Variants in IPO13 observed in about 807,000 individuals in gnomAD.
The protein encoded by IPO13 is importin 13.
Under a neutral mutation model 115.5 loss-of-function variants are expected in IPO13, and 28 were observed. The observed-to-expected ratio is 0.24, with a 90% CI of 0.18 to 0.33. The LOEUF (loss-of-function observed/expected upper bound fraction) is 0.33. IPO13 is among the 10% of genes least tolerant of loss of function. The pLI, the probability that IPO13 is intolerant of heterozygous loss-of-function variation, is 1.00. For missense variants in IPO13, 785 were observed against 1,204.6 expected, an observed-to-expected ratio of 0.65 and a Z score of 5.16; for synonymous variants, 414 against 478.9, an observed-to-expected ratio of 0.86 and a Z score of 1.77.
chr1:43,947,790 C>A, intron 1 of IPO13, 106 bp downstream of exon 1: 2 of 521,554 alleles, frequency 3.8e-6, no homozygotes, highest in Non-Finnish European at 6.2e-6. Context: ...GGTATGGTGC[C>A]CCCAGAGCAC....
At chr1:43,955,694 C>T (rs998691164) in intron 2 of IPO13, among the ~76,000 whole-genome samples, 3 of 152,222 alleles carry the variant, frequency 2.0e-5, no homozygotes, top group Non-Finnish European at 2.9e-5. Context: ...AGTATAACCT[C>T]ATCTGCAATT....
At chr1:43,947,897 C>T (rs566333692) in intron 1 of IPO13, among the ~76,000 whole-genome samples, 2 of 152,348 alleles carry the variant, frequency 1.3e-5, no homozygotes, top group Middle Eastern at 3.4e-3. Flanking sequence ...GATAGATACT[C>T]TAGGGTCTTG....
rs1388626990 is a variant in IPO13, at chr1:43,958,893, G to A, written c.2028+4G>A. ...AGTGCCACAGGGACCCAACCCCGTG[G>A]GTGACATTTGCCCACGGCAAAGACA... On this transcript the variant is annotated splice_donor_region_variant and intron_variant, in intron 11 of 19. Transcript: ENST00000372343. The surrounding 1 kb of genome is among the most constrained non-coding windows in gnomAD (Gnocchi z 6.3). 6.2e-7 allele frequency: 1 copy of A among 1,613,458 alleles called. No individual in the cohort carries two copies. Among genetic ancestry groups the A allele is most frequent in the Middle Eastern group, 1.7e-4 (1 of 6,058 alleles).
Position 43,961,278 on chromosome 1 carries a change from G to GTC in IPO13, c.2344+16_2344+17insTC. ...TTCCAGCAAGGTAGGTCCTGACCGG[G>GTC]GTCTCTGCTGCTGCTGCCACTGCCA... On this transcript the variant is annotated intron_variant, in intron 14 of 19. Coordinates refer to ENST00000372343, the MANE Select transcript of IPO13 (RefSeq NM_014652.4). 6.3e-7 allele frequency: 1 copy of GTC among 1,588,898 alleles called. No individual in the cohort carries two copies. Among genetic ancestry groups the GTC allele is most frequent in the Non-Finnish European group, 8.6e-7 (1 of 1,157,168 alleles).
Position 43,958,452 on chromosome 1 carries a change from G to T in IPO13, c.1750-9G>T, listed in dbSNP as rs892642245. 2.5e-6 allele frequency: 4 copies of T among 1,613,688 alleles called. No homozygotes were observed. The highest frequency in any genetic ancestry group is 3.4e-6 in the Non-Finnish European group (4 of 1,179,974). On this transcript the variant is annotated splice_polypyrimidine_tract_variant and intron_variant, in intron 9 of 19. Transcript: ENST00000372343. This position sits in a 1 kb window ranked among gnomAD's most constrained non-coding sequence, Gnocchi z 6.3. ...GGCCAGGACTGACCATCCATGTTCT[G>T]CCCCACAGACAAGCCAGTGCATGTG...
rs1009499346 is a variant in IPO13, at chr1:43,952,241, C to T, written c.821+2088C>T. On this transcript the variant is annotated intron_variant, in intron 2 of 19. Coordinates refer to ENST00000372343, the MANE Select transcript of IPO13 (RefSeq NM_014652.4). The surrounding 1 kb of genome is among the most constrained non-coding windows in gnomAD (Gnocchi z 4.7). ...CTGGTGTGCAGTGGCACAATCTCGG[C>T]TCACTGCAACCTCCGCCTCCCGGGT... Among the ~76,000 whole-genome samples the T allele has an allele frequency of 3.9e-5, 6 of 152,228 alleles. No homozygotes were observed. The highest frequency in any genetic ancestry group is 1.4e-4 in the African/African-American group (6 of 41,458).
intron 2 of IPO13, among the ~76,000 whole-genome samples, chr1:43,954,192 C>G (rs1261827743): frequency 6.6e-6 from 1 of 152,192 alleles, no homozygotes; most frequent in Non-Finnish European, 1.5e-5. Context: ...TGGCCCTGCC[C>G]CTTCTCTTTG....
In IPO13 at chr1:43,958,865, G is replaced by T. The variant is rs769952183; in HGVS notation, c.2004G>T (p.Leu668=). 1.3e-4 allele frequency: 205 copies of T among 1,614,116 alleles called. No homozygotes were observed. The South Asian group carries it at 2.1e-3, about 17-fold the overall frequency. Residue 668 remains leucine (L), a synonymous_variant, in exon 11 of 20, where the codon CTG becomes CTT. Transcript: ENST00000372343. This position sits in a 1 kb window ranked among gnomAD's most constrained non-coding sequence, Gnocchi z 6.3. ...ATGAAGGCCCTGAGCTTCGGAAGCT[G>T]CCAGTGCCACAGGGACCCAACCCCG... is the stretch of plus-strand genomic sequence containing the variant. ...DDHEGPELRK[L]PVPQGPNPVV...
At position 43,958,645 on chromosome 1, in the gene IPO13, TGAG is replaced by T; in HGVS notation, c.1884+52_1884+54del. The T allele has an allele frequency of 6.2e-7, 1 of 1,612,784 alleles. No homozygotes were observed. The highest frequency in any genetic ancestry group is 1.1e-5 in the South Asian group (1 of 90,992). On this transcript the variant is annotated intron_variant, in intron 10 of 19. Coordinates refer to ENST00000372343, the MANE Select transcript of IPO13 (RefSeq NM_014652.4). This position sits in a 1 kb window ranked among gnomAD's most constrained non-coding sequence, Gnocchi z 6.3. ...AGCGGTACTGAGATGCTGTGGCTGA[TGAG>T]GGGTGAGGTTGGAGCTGGCCCTCAG...
rs543126183 is a variant in IPO13 at position 43,968,018 on chromosome 1, A to C, written c.*336A>C. ...CCATCCCCATTAAATTAATCCCAAC[A>C]TGCATGTATGCATACATTTATTTAA... is the stretch of plus-strand genomic sequence containing the variant. On this transcript the variant is annotated 3_prime_UTR_variant, in exon 20 of 20. Coordinates refer to ENST00000372343, the MANE Select transcript of IPO13 (RefSeq NM_014652.4). The C allele has an allele frequency of 1.0e-4, 40 of 391,654 alleles. No homozygotes were observed. In the South Asian group the frequency reaches 1.1e-3, roughly 11 times the overall value. 24.3% of individuals were successfully genotyped at this position (391,654 alleles called of 1,614,324 possible).
Position 43,956,750 on chromosome 1 carries a change from G to A in IPO13, c.1104+49G>A. 1 of 1,613,698 alleles carries A rather than the reference G, an allele frequency of 6.2e-7. No individual in the cohort carries two copies. Among genetic ancestry groups the A allele is most frequent in the Non-Finnish European group, 8.5e-7 (1 of 1,179,626 alleles). ...GGACTGGGCTGTGGTGGAAGAAGGT[G>A]GATCATGGGCTTCTATGACTGCTGG... On this transcript the variant is annotated intron_variant, in intron 4 of 19. Transcript: ENST00000372343. The surrounding 1 kb of genome is among the most constrained non-coding windows in gnomAD (Gnocchi z 4.7).
At chr1:43,947,775 C>T (rs1458698720) in intron 1 of IPO13, 91 bp downstream of exon 1, 2 of 713,088 alleles carry the variant, frequency 2.8e-6, no homozygotes, top group Non-Finnish European at 2.0e-6. Flanking sequence ...GGCTGGGTGC[C>T]CGCTGGTATG....
chr1:43,964,382 A>C (rs2085308563), intron 15 of IPO13, 61 bp downstream of exon 15: 2 of 1,354,842 alleles, frequency 1.5e-6, no homozygotes, highest in Non-Finnish European at 2.1e-6. Context: ...TCTTATGTTG[A>C]AATTCAATTT....
rs558809774 is a variant in IPO13 at position 43,967,765 on chromosome 1, G to A, written c.*83G>A. ...AACCTGGACCCTCACTGCTGTCTCTGCCTCCTTTCTGCTGTCACCACCACC... is the reference window on the plus strand; with the variant it reads ...AACCTGGACCCTCACTGCTGTCTCTACCTCCTTTCTGCTGTCACCACCACC... On this transcript the variant is annotated 3_prime_UTR_variant, in exon 20 of 20. Transcript: ENST00000372343. The surrounding 1 kb of genome is among the most constrained non-coding windows in gnomAD (Gnocchi z 6.1). 2.3e-6 allele frequency: 3 copies of A among 1,287,210 alleles called. No individual in the cohort carries two copies. Among genetic ancestry groups the A allele is most frequent in the Non-Finnish European group, 2.2e-6 (2 of 899,706 alleles). 79.7% of individuals were successfully genotyped at this position (1,287,210 alleles called of 1,614,324 possible). A position where few individuals can be genotyped will look rare whatever the true frequency, so the allele number is the denominator to read the frequency against.
intron 14 of IPO13, among the ~76,000 whole-genome samples, chr1:43,963,060 G>A (rs570715991): frequency 1.3e-5 from 2 of 152,336 alleles, no homozygotes; most frequent in East Asian, 3.9e-4. Context: ...TCACTTTCTA[G>A]GACTTAAATA....
chr1:43,967,214 C>A lies in IPO13; in HGVS notation c.2614-101C>A. The A allele has an allele frequency of 7.7e-7, 1 of 1,295,416 alleles. No individual in the cohort carries two copies. The highest frequency in any genetic ancestry group is 1.1e-6 in the Non-Finnish European group (1 of 908,998). 80.2% of individuals were successfully genotyped at this position (1,295,416 alleles called of 1,614,324 possible). Reference sequence around the variant, plus strand: ...AAAAAGCAGCGCTCACTGTGATGTGCAGTTTGGCTTAGGAACTGTCCAGAG... The same window carrying A: ...AAAAAGCAGCGCTCACTGTGATGTGAAGTTTGGCTTAGGAACTGTCCAGAG... On this transcript the variant is annotated intron_variant, in intron 18 of 19. Transcript: ENST00000372343. This position sits in a 1 kb window ranked among gnomAD's most constrained non-coding sequence, Gnocchi z 6.1.
At chr1:43,955,186 A>G (rs930791361) in intron 2 of IPO13, among the ~76,000 whole-genome samples, 1 of 151,544 alleles carries the variant, frequency 6.6e-6, no homozygotes, top group Non-Finnish European at 1.5e-5. Flanking sequence ...ACTCCTCAAG[A>G]GTTGGGATTT....
chr1:43,949,916 C>T lies in IPO13; in HGVS notation c.584C>T (p.Ala195Val), dbSNP rs146837473. 2.7e-4 allele frequency: 430 copies of T among 1,609,936 alleles called. No individual in the cohort carries two copies. Among genetic ancestry groups the T allele is most frequent in the Non-Finnish European group, 3.4e-4 (403 of 1,179,622 alleles). The change falls in exon 2 of 20, where the codon GCG (alanine) becomes GTG (valine). Residue 195 changes from alanine to valine, a missense_variant. This residue lies in a region of IPO13 where 325 missense variants were observed against 449.8 expected (regional missense o/e 0.72). Coordinates refer to ENST00000372343, the MANE Select transcript of IPO13 (RefSeq NM_014652.4). The stretch of plus-strand genomic sequence containing the variant: ...AAAGGCCTGGTGCGGACCAGCCTGG[C>T]GGTGGAATGTGGGGCTGTCTTCCCG... ...YRKGLVRTSL[A>V]VECGAVFPLL... is the part of the protein sequence containing the mutation.
rs774146521 is a variant in IPO13, at chr1:43,958,894, G to A, written c.2028+5G>A. On this transcript the variant is annotated splice_donor_5th_base_variant and intron_variant, in intron 11 of 19. Transcript: ENST00000372343. This position sits in a 1 kb window ranked among gnomAD's most constrained non-coding sequence, Gnocchi z 6.3. Reference sequence around the variant, plus strand: ...GTGCCACAGGGACCCAACCCCGTGGGTGACATTTGCCCACGGCAAAGACAT... The same window carrying A: ...GTGCCACAGGGACCCAACCCCGTGGATGACATTTGCCCACGGCAAAGACAT... 6.2e-7 allele frequency: 1 copy of A among 1,613,348 alleles called. No individual in the cohort carries two copies. The highest frequency in any genetic ancestry group is 8.5e-7 in the Non-Finnish European group (1 of 1,179,420).
Sources: allele counts gnomAD v4.1 joint callset (sites outside exome capture counted in the v4.1 genomes callset), GRCh38; gene constraint gnomAD v4.1.1; regional missense constraint gnomAD v4.1.1; non-coding constraint Gnocchi (gnomAD v3.1); transcripts MANE v1.5; gene names NCBI Gene and HGNC (gene_info 2026-07-23, HGNC 2026-07-21).